Variants in PALD1 observed in about 807,000 individuals in gnomAD.
PALD1 encodes the protein phosphatase domain containing paladin 1.
A neutral mutation model predicts 96.0 loss-of-function variants in PALD1; 57 were observed. The ratio of observed to expected loss-of-function variants is 0.59; its 90% confidence interval spans 0.48 to 0.74. PALD1 has a LOEUF of 0.74. Among genes scored for constraint, PALD1 ranks in the 30% least tolerant of loss-of-function variants. The pLI is 0.00. For missense variants in PALD1, 1,063 were observed against 1,143.7 expected (o/e 0.93, Z 1.02); for synonymous variants, 464 against 473.6 (o/e 0.98, Z 0.26).
chr10:70,559,723 T>G (rs2087877062), intron 18 of PALD1, among the ~76,000 whole-genome samples: 1 of 152,138 alleles, frequency 6.6e-6, no homozygotes, highest in Admixed American at 6.5e-5. Flanking sequence ...GAGTTGCCAC[T>G]GAGATGGGCA....
intron 1 of PALD1, among the ~76,000 whole-genome samples, chr10:70,518,704 C>T (rs531250432): frequency 4.5e-4 from 69 of 152,300 alleles, no homozygotes; most frequent in African/African-American, 1.6e-3. Context: ...AGATAATATA[C>T]GTCAAACGCC....
chr10:70,501,834 T>TGTGTGTGTGTGTGTGTGTGTGTGTGCGC (rs774868338), intron 1 of PALD1, among the ~76,000 whole-genome samples: 33 of 149,500 alleles, frequency 2.2e-4, no homozygotes, highest in Admixed American at 7.3e-4. Flanking sequence ...TGTGTGTGTG[T>TGTGTGTGTGTGTGTGTGTGTGTGTGCGC]GCGTGCGTGC....
At chr10:70,553,078 G>A (rs1380541497) in intron 18 of PALD1, among the ~76,000 whole-genome samples, 1 of 152,166 alleles carries the variant, frequency 6.6e-6, no homozygotes, top group Non-Finnish European at 1.5e-5. Flanking sequence ...GTATGCTGCT[G>A]TTGGGGCTGG....
chr10:70,544,597 G>A (rs1180835728), intron 17 of PALD1, among the ~76,000 whole-genome samples: 1 of 152,006 alleles, frequency 6.6e-6, no homozygotes, highest in Non-Finnish European at 1.5e-5. Context: ...AGGGCACCTA[G>A]GATGACCTCG....
At position 70,564,125 on chromosome 10, in the gene PALD1, C is replaced by T. The variant is rs111406174; in HGVS notation, c.2263-239C>T. Among the ~76,000 whole-genome samples the T allele has an allele frequency of 1.2e-4, 19 of 152,174 alleles. 1 individual carries two copies. The highest frequency in any genetic ancestry group is 2.2e-4 in the Non-Finnish European group (15 of 67,978). On this transcript the variant is annotated intron_variant, in intron 18 of 19. Transcript: ENST00000263563. ...CAGGACAGTGGTTATGATTCCATGG[C>T]GAGGAGAGGGATGCTCAGGGAGGCC... is the stretch of plus-strand genomic sequence containing the variant.
chr10:70,540,634 G>A lies in PALD1; in HGVS notation c.1909-468G>A, dbSNP rs1035446249. Among the ~76,000 whole-genome samples, 6 of 152,108 alleles carry A rather than the reference G, an allele frequency of 3.9e-5. No individual in the cohort carries two copies. Among genetic ancestry groups the A allele is most frequent in the Non-Finnish European group, 8.8e-5 (6 of 68,010 alleles). On this transcript the variant is annotated intron_variant, in intron 15 of 19. Transcript: ENST00000263563. The surrounding 1 kb of genome is among the most constrained non-coding windows in gnomAD (Gnocchi z 4.2). ...TGAGCCCCTCCTGGCGCATCTCTTC[G>A]CGGCTCTCACTGCCTGCGGTCTGCT...
intron 1 of PALD1, among the ~76,000 whole-genome samples, chr10:70,521,062 T>C (rs1337967780): frequency 6.6e-6 from 1 of 152,154 alleles, no homozygotes; most frequent in Non-Finnish European, 1.5e-5. Context: ...TCAAATGCCA[T>C]TAGAGCTGCA....
chr10:70,458,850 G>A, the PALD1 span, among the ~76,000 whole-genome samples: 1 of 152,220 alleles, frequency 6.6e-6, no homozygotes, highest in Non-Finnish European at 1.5e-5. Flanking sequence ...AGGGTGGGAT[G>A]TGCCTGCTTG....
intron 18 of PALD1, among the ~76,000 whole-genome samples, chr10:70,558,511 G>A (rs1163583714): frequency 2.6e-5 from 4 of 152,124 alleles, no homozygotes; most frequent in Admixed American, 1.3e-4. Context: ...AAAAGCTCCC[G>A]TCCTCATGGA....
chr10:70,521,997 A>G (rs1298311596), intron 1 of PALD1, among the ~76,000 whole-genome samples: 1 of 152,244 alleles, frequency 6.6e-6, no homozygotes, highest in Non-Finnish European at 1.5e-5. Context: ...TAAACAGTAA[A>G]CAAATGGTAA....
the PALD1 span, among the ~76,000 whole-genome samples, chr10:70,462,673 G>A: frequency 6.6e-6 from 1 of 152,236 alleles, no homozygotes; most frequent in Admixed American, 6.5e-5. Flanking sequence ...GAACAGGGGA[G>A]CCTGGCAGAT....
the PALD1 span, among the ~76,000 whole-genome samples, chr10:70,460,215 C>A: frequency 1.3e-5 from 2 of 152,304 alleles, no homozygotes; most frequent in African/African-American, 4.8e-5. Flanking sequence ...TCGAAGCCCG[C>A]CCTCCAAGGC....
At chr10:70,566,506 A>T in intron 19 of PALD1, 75 bp from the exon 20 acceptor site, 1 of 1,127,736 alleles carries the variant, frequency 8.9e-7, no homozygotes, top group East Asian at 2.5e-5. Flanking sequence ...CCACAGACTC[A>T]TCTTCAGAAC....
At chr10:70,508,362 A>G (rs1473575694) in intron 1 of PALD1, among the ~76,000 whole-genome samples, 3 of 152,144 alleles carry the variant, frequency 2.0e-5, no homozygotes, top group African/African-American at 7.2e-5. Context: ...GATGGTGCCC[A>G]TTCTAGGGAC....
Position 70,529,946 on chromosome 10 carries a change from G to C in PALD1, c.346G>C (p.Gly116Arg). Residue 116 changes from glycine (G) to arginine (R), a missense_variant, in exon 4 of 20, where the codon GGA becomes CGA. Physicochemically the swap from Gly to Arg is moderately radical, Grantham distance 125. Coordinates refer to ENST00000263563, the MANE Select transcript of PALD1 (RefSeq NM_014431.3). ...TEKMDVLGTV[G>R]SCGAPNFRQV... ...GAAGATGGATGTGCTGGGCACCGTGGGAAGCTGTGGGGCCCCCAACTTCCG... is the reference window on the plus strand; with the variant it reads ...GAAGATGGATGTGCTGGGCACCGTGCGAAGCTGTGGGGCCCCCAACTTCCG... The C allele has an allele frequency of 6.2e-7, 1 of 1,613,798 alleles. No individual in the cohort carries two copies. Among genetic ancestry groups the C allele is most frequent in the East Asian group, 2.2e-5 (1 of 44,792 alleles).
intron 1 of PALD1, among the ~76,000 whole-genome samples, chr10:70,522,767 TG>T (rs1364332382): frequency 6.6e-6 from 1 of 152,180 alleles, no homozygotes; most frequent in East Asian, 1.9e-4. Context: ...CCCCTGTCCC[TG>T]GCAGGTGACC....
At chr10:70,554,682 T>C (rs942115248) in intron 18 of PALD1, among the ~76,000 whole-genome samples, 3 of 151,882 alleles carry the variant, frequency 2.0e-5, no homozygotes, top group African/African-American at 7.3e-5. Flanking sequence ...CTAGAATCAT[T>C]AATGCCAGCG....
At chr10:70,563,228 A>G (rs1006007983) in intron 18 of PALD1, among the ~76,000 whole-genome samples, 4 of 152,040 alleles carry the variant, frequency 2.6e-5, no homozygotes, top group Admixed American at 2.6e-4. Flanking sequence ...GGCTTCCATA[A>G]TAGATCCAGC....
At chr10:70,489,496 T>G (rs1846067469) in intron 1 of PALD1, among the ~76,000 whole-genome samples, 1 of 152,156 alleles carries the variant, frequency 6.6e-6, no homozygotes, top group South Asian at 2.1e-4. Context: ...GCCACTTGCT[T>G]ACCCAGGAAG....
Sources: allele counts gnomAD v4.1 joint callset (sites outside exome capture counted in the v4.1 genomes callset), GRCh38; gene constraint gnomAD v4.1.1; non-coding constraint Gnocchi (gnomAD v3.1); transcripts MANE v1.5; gene names NCBI Gene and HGNC (gene_info 2026-07-23, HGNC 2026-07-21).